Variants in SH3BGRL observed in about 807,000 individuals in gnomAD.
The protein encoded by SH3BGRL is adapter SH3BGRL.
A neutral mutation model predicts 9.8 loss-of-function variants in SH3BGRL; 7 were observed. The observed-to-expected ratio is 0.72, with a 90% CI of 0.41 to 1.35. The LOEUF (loss-of-function observed/expected upper bound fraction) is 1.35, where lower values mean the gene tolerates loss of function less well. Among genes scored for constraint, SH3BGRL ranks in the 40% most tolerant of loss-of-function variants. SH3BGRL has a pLI of 0.01. For missense variants in SH3BGRL, 73 were observed against 84.4 expected (o/e 0.86, Z 0.53); for synonymous variants, 36 against 29.1 (o/e 1.24, Z -0.76).
intron 1 of SH3BGRL, among the ~76,000 whole-genome samples, chrX:81,238,192 G>C (rs2075654551): frequency 9.1e-6 from 1 of 110,415 alleles, no homozygotes; most frequent in Non-Finnish European, 1.9e-5. Context: ...CAAGCTCTTG[G>C]AGTCCCTGAC....
chrX:81,271,297 G>T (rs192576972), intron 1 of SH3BGRL, among the ~76,000 whole-genome samples: 2 of 112,337 alleles, frequency 1.8e-5, no homozygotes, highest in East Asian at 5.7e-4. Flanking sequence ...AGGCACCTCT[G>T]TTGGAAATGC....
intron 1 of SH3BGRL, among the ~76,000 whole-genome samples, chrX:81,205,129 C>T (rs1431368186): frequency 9.0e-6 from 1 of 111,465 alleles, no homozygotes; most frequent in Non-Finnish European, 1.9e-5. Context: ...ATATTGGTAA[C>T]TATAGCCACC....
At chrX:81,220,048 A>G (rs2075595816) in intron 1 of SH3BGRL, among the ~76,000 whole-genome samples, 1 of 111,009 alleles carries the variant, frequency 9.0e-6, no homozygotes, top group Admixed American at 9.6e-5. Context: ...TTTTGCATCA[A>G]TGTTCATCAG....
intron 3 of SH3BGRL, among the ~76,000 whole-genome samples, 192 bp downstream of exon 3, chrX:81,278,603 A>G (rs2075806079): frequency 8.9e-6 from 1 of 112,236 alleles, no homozygotes; most frequent in Admixed American, 9.4e-5. Context: ...TGCATAAACT[A>G]TGTGTTTAGC....
chrX:81,217,921 T>A (rs922040142), intron 1 of SH3BGRL, among the ~76,000 whole-genome samples: 1 of 110,755 alleles, frequency 9.0e-6, no homozygotes, highest in African/African-American at 3.3e-5. Flanking sequence ...TTTTATAAAT[T>A]TGGGAGCTCC....
intron 1 of SH3BGRL, among the ~76,000 whole-genome samples, chrX:81,209,149 A>C (rs936926284): frequency 9.2e-6 from 1 of 109,024 alleles, no homozygotes; most frequent in Non-Finnish European, 1.9e-5. Context: ...CTGGGACCAC[A>C]GACATGCACC....
chrX:81,253,040 A>G (rs2075715541), intron 1 of SH3BGRL, among the ~76,000 whole-genome samples: 2 of 112,243 alleles, frequency 1.8e-5, no homozygotes, highest in African/African-American at 6.5e-5. Context: ...TATTAGATTT[A>G]TGTCAATAAG....
intron 3 of SH3BGRL, among the ~76,000 whole-genome samples, chrX:81,292,421 T>C (rs2075861036): frequency 9.0e-6 from 1 of 110,970 alleles, no homozygotes; most frequent in Non-Finnish European, 1.9e-5. Flanking sequence ...TGCCATATCC[T>C]GAGGCTGCAC....
At chrX:81,211,417 C>T (rs1362888763) in intron 1 of SH3BGRL, among the ~76,000 whole-genome samples, 17 of 111,186 alleles carry the variant, frequency 1.5e-4, no homozygotes, top group Non-Finnish European at 3.0e-4. Context: ...AACCCCGTCT[C>T]TACTGAAAAT....
intron 1 of SH3BGRL, among the ~76,000 whole-genome samples, chrX:81,245,210 T>C (rs1602608730): frequency 2.7e-5 from 3 of 111,705 alleles, no homozygotes; most frequent in African/African-American, 9.8e-5. Context: ...CTTTCTGCTC[T>C]GAATAGGCCT....
At chrX:81,288,246 G>T (rs1205970284) in intron 3 of SH3BGRL, among the ~76,000 whole-genome samples, 3 of 111,698 alleles carry the variant, frequency 2.7e-5, no homozygotes, top group African/African-American at 9.7e-5. Context: ...CGTCTTTTAA[G>T]ATAAAAGCCA....
chrX:81,293,845 C>A (rs928057052), intron 3 of SH3BGRL, among the ~76,000 whole-genome samples: 3 of 111,851 alleles, frequency 2.7e-5, no homozygotes, highest in Non-Finnish European at 5.6e-5. Flanking sequence ...ACAATAAGGT[C>A]CAGGCTGAGG....
intron 1 of SH3BGRL, among the ~76,000 whole-genome samples, chrX:81,250,287 C>A (rs2075705141): frequency 9.2e-6 from 1 of 108,833 alleles, no homozygotes; most frequent in African/African-American, 3.4e-5. Context: ...GTAGTCCCAG[C>A]TACTCGGGAG....
intron 3 of SH3BGRL, among the ~76,000 whole-genome samples, chrX:81,293,675 T>A (rs1268404796): frequency 8.9e-6 from 1 of 111,871 alleles, no homozygotes; most frequent in East Asian, 2.8e-4. Context: ...AGAGTGAGAT[T>A]CCATCTCAAA....
chrX:81,228,685 G>A (rs748603839), intron 1 of SH3BGRL, among the ~76,000 whole-genome samples: 2 of 111,642 alleles, frequency 1.8e-5, no homozygotes, highest in Non-Finnish European at 3.8e-5. Flanking sequence ...CATTTAGATG[G>A]CTGGGGGGCT....
intron 1 of SH3BGRL, among the ~76,000 whole-genome samples, chrX:81,225,576 G>A (rs1209692199): frequency 9.0e-6 from 1 of 111,551 alleles, no homozygotes; most frequent in African/African-American, 3.3e-5. Context: ...TTACTGCAGA[G>A]GACATGATTT....
rs993026712 is a variant in SH3BGRL, at chrX:81,283,568, T to C, written c.312+5157T>C. ...CATAAACAGAATTAAAAACAAAAGT[T>C]ACATAATCAGCTCAATAGATGCAGA... is the stretch of plus-strand genomic sequence containing the variant. On this transcript the variant is annotated intron_variant, in intron 3 of 3. Transcript: ENST00000373212. Among the ~76,000 whole-genome samples, 4 of 111,457 alleles carry C rather than the reference T, an allele frequency of 3.6e-5. No individual in the cohort carries two copies. In the Admixed American group the frequency reaches 3.8e-4, roughly 11 times the overall value.
At chrX:81,262,759 C>T (rs1174975141) in intron 1 of SH3BGRL, among the ~76,000 whole-genome samples, 3 of 111,797 alleles carry the variant, frequency 2.7e-5, no homozygotes, top group East Asian at 2.8e-4. Flanking sequence ...TTACTATATT[C>T]GCAAATTTTC....
intron 1 of SH3BGRL, among the ~76,000 whole-genome samples, chrX:81,270,726 G>A (rs757031369): frequency 2.7e-5 from 3 of 112,048 alleles, no homozygotes; most frequent in South Asian, 3.7e-4. Flanking sequence ...ATTGGAGCTC[G>A]AACACCATGT....
Sources: gnomAD v4.1 joint callset for allele counts (sites outside exome capture counted in the v4.1 genomes callset) on GRCh38, gnomAD v4.1.1 for gene constraint, MANE v1.5 for transcripts, NCBI Gene and HGNC (gene_info 2026-07-23, HGNC 2026-07-21) for gene names.